Variants in SLC35E2B observed in about 807,000 individuals in gnomAD.
SLC35E2B encodes the protein solute carrier family 35, member E2B.
In SLC35E2B, 18 loss-of-function variants were observed where a neutral mutation model predicts 32.4. The observed-to-expected ratio is 0.56, with a 90% CI of 0.38 to 0.82. The LOEUF is 0.82. Ranked by LOEUF, SLC35E2B falls within the 40% of genes least tolerant of loss-of-function variation. The probability of loss-of-function intolerance (pLI) is 0.00; values close to 1 mark genes in which losing one functional copy is unlikely to be tolerated. For missense variants in SLC35E2B, 263 were observed against 469.5 expected, an observed-to-expected ratio of 0.56 and a Z score of 4.06; for synonymous variants, 132 against 209.1, an observed-to-expected ratio of 0.63 and a Z score of 3.18.
At chr1:1,681,380 T>G (rs1643898575) in intron 2 of SLC35E2B, among the ~76,000 whole-genome samples, 1 of 149,976 alleles carries the variant, frequency 6.7e-6, no homozygotes, top group South Asian at 2.1e-4. Context: ...TTTTTTTTTG[T>G]ATTTTTTTAG....
At chr1:1,666,877 G>A (rs1447389729) in intron 9 of SLC35E2B, among the ~76,000 whole-genome samples, 3 of 152,132 alleles carry the variant, frequency 2.0e-5, no homozygotes, top group African/African-American at 4.8e-5. Context: ...AGGCCGAGGC[G>A]GGCGGATCGC....
At chr1:1,685,616 G>A (rs1327139606) in intron 2 of SLC35E2B, among the ~76,000 whole-genome samples, 2 of 151,952 alleles carry the variant, frequency 1.3e-5, no homozygotes, top group Non-Finnish European at 2.9e-5. Context: ...GGGGAAAAGG[G>A]TCTCTGAAAT....
At chr1:1,673,533 G>T (rs527932143) in intron 5 of SLC35E2B, 2 of 221,114 alleles carry the variant, frequency 9.0e-6, no homozygotes, top group Non-Finnish European at 1.9e-5. Flanking sequence ...CTGGGTGTGG[G>T]GCCACATGCC....
intron 2 of SLC35E2B, among the ~76,000 whole-genome samples, chr1:1,685,164 G>C (rs1196908865): frequency 6.6e-6 from 1 of 151,180 alleles, no homozygotes; most frequent in African/African-American, 2.4e-5. Context: ...GTTCATGCTT[G>C]TAATCCTAGC....
intron 5 of SLC35E2B, among the ~76,000 whole-genome samples, chr1:1,673,770 TG>T (rs1465043865): frequency 1.3e-5 from 2 of 152,056 alleles, no homozygotes; most frequent in Non-Finnish European, 2.9e-5. Context: ...GAGACCATCC[TG>T]GCTAACACGG....
chr1:1,681,767 C>T lies in SLC35E2B; in HGVS notation c.-147-4921G>A, dbSNP rs117170303. ...TTGGGAGGCTGAGGCAGAGGGATCC[C>T]GAGGTCAGGAGATGGAGACTATCCT... is the stretch of plus-strand genomic sequence containing the variant. On this transcript the variant is annotated intron_variant, in intron 2 of 9. Transcript: ENST00000617444. 1.7e-4 allele frequency among the ~76,000 whole-genome samples: 26 copies of T among 149,704 alleles called. No homozygotes were observed. The East Asian group carries it at 3.2e-3, about 19-fold the overall frequency.
chr1:1,689,377 C>T (rs1183466012), intron 2 of SLC35E2B, among the ~76,000 whole-genome samples: 2 of 151,754 alleles, frequency 1.3e-5, no homozygotes, highest in Non-Finnish European at 2.9e-5. Flanking sequence ...CTGGAGGGTC[C>T]GAAGCACTCT....
In SLC35E2B at chr1:1,663,915, G is replaced by C. The variant is rs1207753588; in HGVS notation, c.*1867C>G. On this transcript the variant is annotated 3_prime_UTR_variant, in exon 10 of 10. Transcript: ENST00000617444. The stretch of plus-strand genomic sequence containing the variant: ...GGTTTTATAGAAGCGGCTGAAGCAG[G>C]TGTAGTAGCCCACGCCTATATTCTC... The C allele has an allele frequency of 1.4e-6, 1 of 720,464 alleles. No homozygotes were observed. Among genetic ancestry groups the C allele is most frequent in the Admixed American group, 6.6e-5 (1 of 15,252 alleles). 44.6% of individuals were successfully genotyped at this position (720,464 alleles called of 1,614,324 possible).
At chr1:1,681,587 G>GC (rs917677300) in intron 2 of SLC35E2B, among the ~76,000 whole-genome samples, 2 of 149,760 alleles carry the variant, frequency 1.3e-5, no homozygotes, top group Non-Finnish European at 3.0e-5. Context: ...GCTCACCGTA[G>GC]CCCCCACTTC....
chr1:1,682,204 A>C (rs1398348325), intron 2 of SLC35E2B, among the ~76,000 whole-genome samples: 1 of 151,910 alleles, frequency 6.6e-6, no homozygotes, highest in Non-Finnish European at 1.5e-5. Flanking sequence ...GGAGCGACAA[A>C]AAACAAGAAA....
At chr1:1,685,619 T>C (rs930684822) in intron 2 of SLC35E2B, among the ~76,000 whole-genome samples, 1 of 151,864 alleles carries the variant, frequency 6.6e-6, no homozygotes. Context: ...GAAAAGGGTC[T>C]CTGAAATGGA....
At chr1:1,683,948 C>T (rs1219806749) in intron 2 of SLC35E2B, among the ~76,000 whole-genome samples, 1 of 152,162 alleles carries the variant, frequency 6.6e-6, no homozygotes, top group African/African-American at 2.4e-5. Context: ...CCTGTTCAGA[C>T]CAGAGACCAC....
At chr1:1,690,615 T>C (rs1644007883) in intron 2 of SLC35E2B, among the ~76,000 whole-genome samples, 1 of 121,874 alleles carries the variant, frequency 8.2e-6, no homozygotes, top group Non-Finnish European at 1.7e-5. Flanking sequence ...GGCAGGCGCC[T>C]GTAATCCCAG....
intron 2 of SLC35E2B, among the ~76,000 whole-genome samples, chr1:1,690,664 G>C (rs1318588167): frequency 1.7e-5 from 2 of 115,900 alleles, no homozygotes; most frequent in Admixed American, 9.5e-5. Flanking sequence ...ACTTGAACCT[G>C]GGAGGCGGAG....
chr1:1,671,643 A>C lies in SLC35E2B; in HGVS notation c.587-14T>G. On this transcript the variant is annotated splice_polypyrimidine_tract_variant and intron_variant, in intron 5 of 9. Transcript: ENST00000617444. ...TGACCAGCAGCCCTGGCGAGAGGAC[A>C]GCCCCTGTGAGTGGCTGACCCGCCG... The C allele has an allele frequency of 6.6e-7, 1 of 1,517,898 alleles. No individual in the cohort carries two copies. Among genetic ancestry groups the C allele is most frequent in the South Asian group, 1.2e-5 (1 of 80,070 alleles). 94.0% of individuals were successfully genotyped at this position (1,517,898 alleles called of 1,614,324 possible). A position where few individuals can be genotyped will look rare whatever the true frequency, so the allele number is the denominator to read the frequency against.
Position 1,692,629 on chromosome 1 carries a change from T to A in SLC35E2B, c.-746A>T. 1 of 983,132 alleles carries A rather than the reference T, an allele frequency of 1.0e-6. No homozygotes were observed. The highest frequency in any genetic ancestry group is 1.2e-6 in the Non-Finnish European group (1 of 828,240). The allele number at this position is 983,132 out of a possible 1,614,324, so 60.9% of individuals were successfully genotyped here. A position where few individuals can be genotyped will look rare whatever the true frequency, so the allele number is the denominator to read the frequency against. On this transcript the variant is annotated 5_prime_UTR_variant, in exon 1 of 10. It adds an upstream start codon to the 5' untranslated region. Transcript: ENST00000617444. ...ACAGCGCTGGCGGATCCAGGTGGGC[T>A]TCACGGGGCGCCCGCGGGACCGGAA...
intron 8 of SLC35E2B, among the ~76,000 whole-genome samples, chr1:1,668,899 G>A (rs1643613690): frequency 6.6e-6 from 1 of 150,412 alleles, no homozygotes; most frequent in East Asian, 2.0e-4. Context: ...GCTGAGGCAG[G>A]ACAATCACTT....
chr1:1,665,820 C>T lies in SLC35E2B; in HGVS notation c.1180G>A (p.Glu394Lys). 6.4e-7 allele frequency: 1 copy of T among 1,550,934 alleles called. No individual in the cohort carries two copies. The highest frequency in any genetic ancestry group is 1.4e-5 in the African/African-American group (1 of 73,180). Residue 394 changes from glutamate to lysine, a missense_variant, in exon 10 of 10, where the codon GAG (glutamate) becomes AAG (lysine). Around this residue, in one of 7 missense-constraint regions of SLC35E2B, gnomAD observed 78 missense variants for 71.1 expected, o/e 1.10. Transcript: ENST00000617444. Reference sequence around the variant, plus strand: ...CTGGGGTCCTGTGGAAGCAGCGGCTCCACTGTGTCGTCTGGGGCCCGGCCA... The same window carrying T: ...CTGGGGTCCTGTGGAAGCAGCGGCTTCACTGTGTCGTCTGGGGCCCGGCCA... The part of the protein sequence containing the change: ...ATGRAPDDTV[E>K]PLLPQDPRQH...
In SLC35E2B at chr1:1,679,255, C is replaced by T. The variant is rs532969530; in HGVS notation, c.-147-2409G>A. Reference sequence around the variant, plus strand: ...ACGACGCCAGTCACGTCCCACCTGACGTCGAGGCAAACCTGGAATTCAAAA... The same window carrying T: ...ACGACGCCAGTCACGTCCCACCTGATGTCGAGGCAAACCTGGAATTCAAAA... On this transcript the variant is annotated intron_variant, in intron 2 of 9. Coordinates refer to ENST00000617444, the MANE Select transcript of SLC35E2B (RefSeq NM_001290264.2). 7.9e-5 allele frequency among the ~76,000 whole-genome samples: 12 copies of T among 152,312 alleles called. No homozygotes were observed. The South Asian group carries it at 8.3e-4, about 11-fold the overall frequency.
Sources: gnomAD v4.1 joint callset for allele counts (sites outside exome capture counted in the v4.1 genomes callset) on GRCh38, gnomAD v4.1.1 for gene constraint, gnomAD v4.1.1 regional missense constraint, MANE v1.5 for transcripts, NCBI Gene and HGNC (gene_info 2026-07-23, HGNC 2026-07-21) for gene names.